C8orf76: variants seen among roughly 807,000 people sequenced by gnomAD.
C8orf76 encodes the protein uncharacterized protein C8orf76.
Under a neutral mutation model 38.1 loss-of-function variants are expected in C8orf76, and 46 were observed. The ratio of observed to expected loss-of-function variants is 1.21; its 90% CI spans 0.95 to 1.54. The LOEUF (loss-of-function observed/expected upper bound fraction) is 1.54. C8orf76 is among the 40% of genes most tolerant of loss of function. C8orf76 has a pLI of 0.00. For synonymous variants in C8orf76, 166 were observed against 167.5 expected (o/e 0.99, Z 0.07); for missense variants, 461 against 441.6 (o/e 1.04, Z -0.39).
At chr8:123,226,902 C>T (rs939608501) in intron 4 of C8orf76, among the ~76,000 whole-genome samples, 1 of 152,166 alleles carries the variant, frequency 6.6e-6, no homozygotes, top group African/African-American at 2.4e-5. Flanking sequence ...AGAGCAACAC[C>T]TGAAAAGAGC....
At chr8:123,229,519 T>C (rs574274515) in intron 4 of C8orf76, among the ~76,000 whole-genome samples, 28 of 152,350 alleles carry the variant, frequency 1.8e-4, no homozygotes, top group South Asian at 8.3e-4. Flanking sequence ...GTCACAGCAC[T>C]GATATACTAT....
intron 4 of C8orf76, among the ~76,000 whole-genome samples, chr8:123,229,850 C>T (rs940394794): frequency 6.6e-6 from 1 of 152,114 alleles, no homozygotes; most frequent in African/African-American, 2.4e-5. Flanking sequence ...AACCCTGTCT[C>T]TACTAAAAAT....
Position 123,231,473 on chromosome 8 carries a change from C to A in C8orf76, c.642G>T (p.Leu214Phe). ...FFPHSGKDCLLCFPETLPESS... is the reference protein window; with the variant it reads ...FFPHSGKDCLFCFPETLPESS... ...TCTCAGGCAAGGTTTCAGGAAAACACAAAAGACAGTCTTTTCCTGAGTGTG... is the reference window on the plus strand; with the variant it reads ...TCTCAGGCAAGGTTTCAGGAAAACAAAAAAGACAGTCTTTTCCTGAGTGTG... Residue 214 changes from leucine (L) to phenylalanine (F), a missense_variant, in exon 4 of 6, where the codon TTG becomes TTT. Transcript: ENST00000276704. 1 of 1,614,178 alleles carries A rather than the reference C, an allele frequency of 6.2e-7. No homozygotes were observed. The highest frequency in any genetic ancestry group is 8.5e-7 in the Non-Finnish European group (1 of 1,180,034).
chr8:123,226,273 A>G, intron 5 of C8orf76: 1 of 1,372,280 alleles, frequency 7.3e-7, no homozygotes, highest in Non-Finnish European at 9.3e-7. Flanking sequence ...AGGTGCTAAC[A>G]AGCACTGACA....
rs59113457 is a variant in C8orf76, at chr8:123,226,632, C to G, written c.816G>C (p.Arg272Ser). The G allele has an allele frequency of 1.3e-6, 2 of 1,588,814 alleles. No individual in the cohort carries two copies. Among genetic ancestry groups the G allele is most frequent in the Admixed American group, 2.0e-5 (1 of 51,010 alleles). Residue 272 changes from arginine (R) to serine (S), a missense_variant and splice_region_variant, in exon 5 of 6, where the codon AGG becomes AGC. Transcript: ENST00000276704. Reference protein sequence around the residue: ...LKACASFIRTRLLLQFTQPQQ... With the variant: ...LKACASFIRTSLLLQFTQPQQ... ...GAGGTTGGGTAAACTGAAGCAGAAGCCTGAAAAACCGAAAAGTCTCAATGC... is the reference window on the plus strand; with the variant it reads ...GAGGTTGGGTAAACTGAAGCAGAAGGCTGAAAAACCGAAAAGTCTCAATGC...
intron 4 of C8orf76, among the ~76,000 whole-genome samples, chr8:123,228,962 T>G (rs1825141748): frequency 6.6e-6 from 1 of 152,120 alleles, no homozygotes; most frequent in Non-Finnish European, 1.5e-5. Context: ...CTTGCAAGAG[T>G]TCAGGTTCAT....
At chr8:123,226,960 T>C (rs1397540471) in intron 4 of C8orf76, among the ~76,000 whole-genome samples, 2 of 152,166 alleles carry the variant, frequency 1.3e-5, no homozygotes, top group Admixed American at 6.5e-5. Context: ...ATTGAAAGGA[T>C]AAGTAATTTG....
At position 123,241,311 on chromosome 8, in the gene C8orf76, G is replaced by C. The variant is rs1202389015; in HGVS notation, c.36C>G (p.Phe12Leu). The C allele has an allele frequency of 2.5e-6, 4 of 1,573,250 alleles. No individual in the cohort carries two copies. The highest frequency in any genetic ancestry group is 1.4e-5 in the African/African-American group (1 of 70,790). ...GCCTCTCCTCGAACACCGAGTCCTC[G>C]AACTCGCCGCCGAACAACCAGCACC... ...DSGCWLFGGE[F>L]EDSVFEERPE... Residue 12 changes from phenylalanine (F) to leucine (L), a missense_variant, in exon 1 of 6, where the codon TTC becomes TTG. Physicochemically the swap from Phe to Leu is conservative, Grantham distance 22. Coordinates refer to ENST00000276704, the MANE Select transcript of C8orf76 (RefSeq NM_032847.3).
At chr8:123,236,698 C>T (rs531483397) in intron 3 of C8orf76, among the ~76,000 whole-genome samples, 1 of 150,976 alleles carries the variant, frequency 6.6e-6, no homozygotes, top group Non-Finnish European at 1.5e-5. Flanking sequence ...GCAGGAGAAT[C>T]GTTTGAATCC....
rs759085805 is a variant in C8orf76, at chr8:123,237,881, T to C, written c.274A>G (p.Lys92Glu). ...GCCTGACCTTCCTGGACATCCCTTTTCATGGCAAAATTGGTTGATGACAAT... is the reference window on the plus strand; with the variant it reads ...GCCTGACCTTCCTGGACATCCCTTTCCATGGCAAAATTGGTTGATGACAAT... Reference protein sequence around the residue: ...EKLSSTNFAMKRDVQEGQARC... With the variant: ...EKLSSTNFAMERDVQEGQARC... Residue 92 changes from lysine (K) to glutamate (E), a missense_variant, in exon 3 of 6, where the codon AAA (lysine) becomes GAA (glutamate). Physicochemically the swap from Lys to Glu is moderately conservative, Grantham distance 56. Transcript: ENST00000276704. 93 of 1,614,032 alleles carry C rather than the reference T, an allele frequency of 5.8e-5. No individual in the cohort carries two copies. The South Asian group carries it at 9.7e-4, about 17-fold the overall frequency.
intron 5 of C8orf76, among the ~76,000 whole-genome samples, chr8:123,225,097 C>G (rs1176949066): frequency 6.6e-6 from 1 of 152,124 alleles, no homozygotes; most frequent in African/African-American, 2.4e-5. Flanking sequence ...CCTCCACCTC[C>G]CGGGTTCAAG....
intron 3 of C8orf76, chr8:123,237,091 C>T (rs1335927466): frequency 5.6e-6 from 6 of 1,073,896 alleles, no homozygotes; most frequent in South Asian, 3.7e-5. Context: ...GCCAGCTCGC[C>T]CAGAAATACA....
chr8:123,235,126 A>G (rs951769778), intron 3 of C8orf76, among the ~76,000 whole-genome samples: 1 of 152,218 alleles, frequency 6.6e-6, no homozygotes, highest in Non-Finnish European at 1.5e-5. Context: ...GATAAATGAA[A>G]AGGAGTCACT....
chr8:123,241,333 C>T lies in C8orf76; in HGVS notation c.14G>A (p.Cys5Tyr). MDSG[C>Y]WLFGGEFEDS... Reference sequence around the variant, plus strand: ...CTCGAACTCGCCGCCGAACAACCAGCACCCGGAATCCATCTCGCGCCCGCG... The same window carrying T: ...CTCGAACTCGCCGCCGAACAACCAGTACCCGGAATCCATCTCGCGCCCGCG... Residue 5 changes from cysteine to tyrosine, a missense_variant, in exon 1 of 6, where the codon TGC becomes TAC. Coordinates refer to ENST00000276704, the MANE Select transcript of C8orf76 (RefSeq NM_032847.3). 1.3e-6 allele frequency: 2 copies of T among 1,565,168 alleles called. No individual in the cohort carries two copies. Among genetic ancestry groups the T allele is most frequent in the Non-Finnish European group, 1.7e-6 (2 of 1,162,454 alleles).
intron 3 of C8orf76, among the ~76,000 whole-genome samples, chr8:123,233,888 T>G (rs911631561): frequency 6.6e-6 from 1 of 151,704 alleles, no homozygotes; most frequent in African/African-American, 2.4e-5. Flanking sequence ...ATTAGCTAGG[T>G]GTGGTGGCGG....
chr8:123,224,326 T>G (rs868568388), intron 5 of C8orf76, among the ~76,000 whole-genome samples: 10 of 152,038 alleles, frequency 6.6e-5, no homozygotes, highest in Non-Finnish European at 5.9e-5. Flanking sequence ...AAGCACAAAA[T>G]AAAGGCCAGG....
intron 3 of C8orf76, among the ~76,000 whole-genome samples, chr8:123,236,015 AT>A (rs1825462661): frequency 6.6e-6 from 1 of 152,236 alleles, no homozygotes; most frequent in African/African-American, 2.4e-5. Context: ...AAGTCGATTT[AT>A]CTATCTTTCA....
At chr8:123,238,015 A>AT (rs558940317) in intron 2 of C8orf76, 74 bp from the exon 3 acceptor site, 61 of 1,504,806 alleles carry the variant, frequency 4.1e-5, no homozygotes, top group South Asian at 6.9e-5. Flanking sequence ...AATAGGGGTG[A>AT]TTTTTTTTCC....
chr8:123,228,619 CAA>C (rs538956189), intron 4 of C8orf76, among the ~76,000 whole-genome samples: 1 of 141,784 alleles, frequency 7.1e-6, no homozygotes, highest in Non-Finnish European at 1.5e-5. Flanking sequence ...AACTCCGTCT[CAA>C]AAAAAAAAAC....
Sources: gnomAD v4.1 joint callset for allele counts (sites outside exome capture counted in the v4.1 genomes callset) on GRCh38, gnomAD v4.1.1 for gene constraint, MANE v1.5 for transcripts, NCBI Gene and HGNC (gene_info 2026-07-23, HGNC 2026-07-21) for gene names.